Variants in XRRA1 observed in about 807,000 individuals in gnomAD.
XRRA1 encodes X-ray radiation resistance associated 1, also known as X-ray radiation resistance-associated protein 1.
XRRA1 carries 69 observed loss-of-function variants against 80.2 expected under a neutral mutation model. That is an observed-to-expected ratio of 0.86 (90% confidence interval 0.71 to 1.05). The LOEUF (loss-of-function observed/expected upper bound fraction) is 1.05, where lower values mean the gene tolerates loss of function less well. Among genes scored for constraint, XRRA1 ranks in the 50% least tolerant of loss-of-function variants. The pLI, the probability that XRRA1 is intolerant of heterozygous loss-of-function variation, is 0.00. For missense variants in XRRA1, 967 were observed against 976.4 expected, an observed-to-expected ratio of 0.99 and a Z score of 0.13; for synonymous variants, 348 against 389.9, an observed-to-expected ratio of 0.89 and a Z score of 1.27.
At chr11:74,883,287 G>A (rs10899048) in intron 10 of XRRA1, among the ~76,000 whole-genome samples, 23,305 of 151,902 alleles carry the variant, frequency 0.15, 2,137 homozygotes, top group East Asian at 0.28. Flanking sequence ...GGTGCCGTCC[G>A]TCACCCCTTT....
At chr11:74,894,757 C>A (rs997216800) in intron 10 of XRRA1, among the ~76,000 whole-genome samples, 2 of 152,022 alleles carry the variant, frequency 1.3e-5, no homozygotes, top group Admixed American at 1.3e-4. Context: ...CCATATCAAC[C>A]CTTGAACCCA....
chr11:74,936,498 C>T (rs928631872), intron 4 of XRRA1, among the ~76,000 whole-genome samples: 1 of 151,812 alleles, frequency 6.6e-6, no homozygotes, highest in Non-Finnish European at 1.5e-5. Flanking sequence ...CTCTCCAACT[C>T]AGTAAGAGTT....
At chr11:74,874,131 G>A (rs1232097370) in intron 10 of XRRA1, among the ~76,000 whole-genome samples, 1 of 149,228 alleles carries the variant, frequency 6.7e-6, no homozygotes, top group Admixed American at 6.8e-5. Flanking sequence ...AGCTACCCAG[G>A]AGGCTGAGAC....
intron 8 of XRRA1, among the ~76,000 whole-genome samples, chr11:74,914,205 C>T (rs925376475): frequency 2.6e-5 from 4 of 152,188 alleles, no homozygotes; most frequent in Non-Finnish European, 5.9e-5. Flanking sequence ...AAGCTGGTCT[C>T]GAACTCCTGA....
intron 3 of XRRA1, 123 bp downstream of exon 3, chr11:74,940,662 G>C: frequency 1.3e-6 from 1 of 769,990 alleles, no homozygotes; most frequent in Non-Finnish European, 2.2e-6. Context: ...GGACTGGAGG[G>C]GGAAGGATTA....
intron 8 of XRRA1, among the ~76,000 whole-genome samples, chr11:74,915,735 C>T (rs1023612367): frequency 6.6e-6 from 1 of 152,122 alleles, no homozygotes; most frequent in African/African-American, 2.4e-5. Flanking sequence ...TGTAATTGCC[C>T]ATGTATTTAC....
chr11:74,946,492 A>T (rs1159634392), intron 1 of XRRA1, among the ~76,000 whole-genome samples: 1 of 152,188 alleles, frequency 6.6e-6, no homozygotes, highest in African/African-American at 2.4e-5. Flanking sequence ...TTGCCATGTA[A>T]GACTTGCCTC....
rs773279845 is a variant in XRRA1, at chr11:74,907,214, T to C, written c.716A>G (p.Glu239Gly). Reference sequence around the variant, plus strand: ...TCTGTTGTCATCCAGCATCAGTGTCTCCAGCGCTGGGAACCTCAGGATGTA... The same window carrying C: ...TCTGTTGTCATCCAGCATCAGTGTCCCCAGCGCTGGGAACCTCAGGATGTA... Reference protein sequence around the residue: ...KRYILRFPALETLMLDDNRLS... With the variant: ...KRYILRFPALGTLMLDDNRLS... The change falls in exon 9 of 19, where the codon GAG becomes GGG. Residue 239 changes from glutamate (E) to glycine (G), a missense_variant. Transcript: ENST00000684022. The C allele has an allele frequency of 2.5e-6, 4 of 1,613,880 alleles. No homozygotes were observed. In the African/African-American group the frequency reaches 5.3e-5, roughly 22 times the overall value.
Position 74,914,321 on chromosome 11 carries a change from G to C in XRRA1, c.656+6893C>G, listed in dbSNP as rs148335445. 1.3e-3 allele frequency among the ~76,000 whole-genome samples: 192 copies of C among 152,210 alleles called. 1 individual carries two copies. The highest frequency in any genetic ancestry group is 2.3e-3 in the Non-Finnish European group (154 of 67,996). On this transcript the variant is annotated intron_variant, in intron 8 of 18. Transcript: ENST00000684022. ...TTTTAGAAGTGACATAAAATATTTG[G>C]TGCTGTTCTAACTCATTTACTAAGT... is the stretch of plus-strand genomic sequence containing the variant.
chr11:74,928,175 TTGAA>T (rs1384911866), intron 6 of XRRA1, among the ~76,000 whole-genome samples: 7 of 152,366 alleles, frequency 4.6e-5, no homozygotes, highest in Middle Eastern at 3.4e-3. Flanking sequence ...GTTTCTCTCT[TTGAA>T]TGAGAACTGA....
chr11:74,848,959 C>T (rs1481946774), intron 14 of XRRA1, among the ~76,000 whole-genome samples: 1 of 152,192 alleles, frequency 6.6e-6, no homozygotes, highest in African/African-American at 2.4e-5. Context: ...AGGCCCCTTT[C>T]AGGATGCTGT....
At chr11:74,846,867 T>C (rs1219906877) in intron 15 of XRRA1, among the ~76,000 whole-genome samples, 1 of 151,944 alleles carries the variant, frequency 6.6e-6, no homozygotes, top group African/African-American at 2.4e-5. Context: ...CCACTTCTGT[T>C]CATCATTGTA....
chr11:74,904,156 A>G (rs2138042955), intron 10 of XRRA1, among the ~76,000 whole-genome samples: 1 of 152,312 alleles, frequency 6.6e-6, no homozygotes, highest in Middle Eastern at 3.4e-3. Flanking sequence ...AAACCAATCT[A>G]AATTATTGTT....
In XRRA1 at chr11:74,930,286, A is replaced by G. The variant is rs767905654; in HGVS notation, c.424+14T>C. On this transcript the variant is annotated intron_variant, in intron 6 of 18. Coordinates refer to ENST00000684022, the MANE Select transcript of XRRA1 (RefSeq NM_001378157.1). ...AAGAGGAGGAAGAGAGCTTTCAAGAAAGAAAAAGCTTACCTAGAGGCAGCA... is the reference window on the plus strand; with the variant it reads ...AAGAGGAGGAAGAGAGCTTTCAAGAGAGAAAAAGCTTACCTAGAGGCAGCA... 6.4e-7 allele frequency: 1 copy of G among 1,555,678 alleles called. No homozygotes were observed.
intron 12 of XRRA1, among the ~76,000 whole-genome samples, chr11:74,858,173 A>C (rs940546787): frequency 6.6e-6 from 1 of 152,236 alleles, no homozygotes; most frequent in Admixed American, 6.5e-5. Flanking sequence ...GAAAAAGTCA[A>C]TGAAAGAGGT....
chr11:74,856,131 G>GAAC (rs200546470), intron 12 of XRRA1, among the ~76,000 whole-genome samples: 15 of 151,926 alleles, frequency 9.9e-5, no homozygotes, highest in African/African-American at 2.7e-4. Flanking sequence ...AACTCCATCT[G>GAAC]AACAACAACA....
At chr11:74,853,086 A>G (rs2040270162) in intron 12 of XRRA1, among the ~76,000 whole-genome samples, 1 of 152,222 alleles carries the variant, frequency 6.6e-6, no homozygotes, top group Non-Finnish European at 1.5e-5. Context: ...AATGAGCAAA[A>G]CAGACACAAT....
chr11:74,882,590 T>G (rs866049040), intron 10 of XRRA1, among the ~76,000 whole-genome samples: 28 of 152,342 alleles, frequency 1.8e-4, no homozygotes, highest in African/African-American at 6.7e-4. Flanking sequence ...GGCGCTCTGC[T>G]TTTTAGAGTT....
chr11:74,868,704 A>C (rs12419113), intron 10 of XRRA1, among the ~76,000 whole-genome samples: 38,013 of 151,772 alleles, frequency 0.25, 5,691 homozygotes, highest in East Asian at 0.53. Flanking sequence ...AAATTATTCT[A>C]AACTCAGACA....
Sources: gnomAD v4.1 joint callset for allele counts (sites outside exome capture counted in the v4.1 genomes callset) on GRCh38, gnomAD v4.1.1 for gene constraint, MANE v1.5 for transcripts, NCBI Gene and HGNC (gene_info 2026-07-23, HGNC 2026-07-21) for gene names.